The following ALK variants were observed in gnomAD, a reference collection of about 807,000 sequenced individuals.
ALK encodes the protein ALK receptor tyrosine kinase.
A neutral mutation model predicts 163.1 loss-of-function variants in ALK; 74 were observed. The ratio of observed to expected loss-of-function variants is 0.45; its 90% CI spans 0.38 to 0.55. The LOEUF (loss-of-function observed/expected upper bound fraction) is 0.55. Ranked by LOEUF, ALK falls within the 20% of genes least tolerant of loss-of-function variation. ALK has a pLI of 0.00. For missense variants in ALK, 2,063 were observed against 2,105.3 expected, an observed-to-expected ratio of 0.98 and a Z score of 0.39; for synonymous variants, 960 against 843.2, an observed-to-expected ratio of 1.14 and a Z score of -2.40.
chr2:29,802,911 C>G (rs1346352179), intron 1 of ALK, among the ~76,000 whole-genome samples: 1 of 151,854 alleles, frequency 6.6e-6, no homozygotes, highest in African/African-American at 2.4e-5. Context: ...CAACACTGAC[C>G]CCCAAACCAT....
At chr2:29,751,743 C>A (rs975195874) in intron 1 of ALK, among the ~76,000 whole-genome samples, 6 of 152,120 alleles carry the variant, frequency 3.9e-5, no homozygotes, top group Admixed American at 3.3e-4. Context: ...TGTTGCCAGG[C>A]ACAGTAGAAG....
At chr2:29,906,441 G>C (rs1001011834) in intron 1 of ALK, among the ~76,000 whole-genome samples, 4 of 152,118 alleles carry the variant, frequency 2.6e-5, no homozygotes, top group Non-Finnish European at 5.9e-5. Flanking sequence ...GGATAGGAGA[G>C]AAAGAGGAGG....
intron 3 of ALK, among the ~76,000 whole-genome samples, chr2:29,589,158 TA>T (rs1191048233): frequency 6.6e-6 from 1 of 152,208 alleles, no homozygotes; most frequent in African/African-American, 2.4e-5. Flanking sequence ...CTACTGATAA[TA>T]AACTACCAAA....
At chr2:29,533,788 A>G (rs1011624634) in intron 3 of ALK, among the ~76,000 whole-genome samples, 1 of 152,228 alleles carries the variant, frequency 6.6e-6, no homozygotes, top group South Asian at 2.1e-4. Flanking sequence ...GCAGGGGTGC[A>G]CAGATGTCTG....
intron 4 of ALK, among the ~76,000 whole-genome samples, chr2:29,399,040 T>C (rs1193590000): frequency 6.6e-6 from 1 of 152,158 alleles, no homozygotes; most frequent in Non-Finnish European, 1.5e-5. Flanking sequence ...AACCTGCCAA[T>C]GATGTCATCC....
At chr2:29,445,657 C>G (rs1218758335) in intron 4 of ALK, among the ~76,000 whole-genome samples, 1 of 151,958 alleles carries the variant, frequency 6.6e-6, no homozygotes, top group Non-Finnish European at 1.5e-5. Context: ...TCTGTCTCTA[C>G]TAAAAATACA....
At chr2:29,208,067 A>C (rs543276979) in intron 25 of ALK, 1 of 442,986 alleles carries the variant, frequency 2.3e-6, no homozygotes, top group East Asian at 8.3e-5. Context: ...TGAGGACATA[A>C]ATAGGTCAGT....
At chr2:29,903,395 G>A (rs1667465002) in intron 1 of ALK, among the ~76,000 whole-genome samples, 1 of 152,010 alleles carries the variant, frequency 6.6e-6, no homozygotes, top group Admixed American at 6.6e-5. Context: ...TTCCTTCACT[G>A]ATTCAGCAAA....
At chr2:29,534,221 G>A (rs894996547) in intron 3 of ALK, among the ~76,000 whole-genome samples, 2 of 152,174 alleles carry the variant, frequency 1.3e-5, no homozygotes, top group Non-Finnish European at 2.9e-5. Context: ...GATCTGTTAT[G>A]GTGGGGGCAA....
chr2:29,452,344 T>G (rs1016149636), intron 4 of ALK, among the ~76,000 whole-genome samples: 3 of 151,062 alleles, frequency 2.0e-5, no homozygotes, highest in East Asian at 1.9e-4. Context: ...TTTTTTTTTT[T>G]TTTTTTTCTT....
At chr2:29,418,736 G>T (rs1473527730) in intron 4 of ALK, among the ~76,000 whole-genome samples, 2 of 152,158 alleles carry the variant, frequency 1.3e-5, no homozygotes, top group Non-Finnish European at 2.9e-5. Context: ...TTTTCTTATG[G>T]CTGAATAGTA....
At chr2:29,648,334 G>A (rs779351065) in intron 3 of ALK, among the ~76,000 whole-genome samples, 1 of 151,884 alleles carries the variant, frequency 6.6e-6, no homozygotes, top group African/African-American at 2.4e-5. Context: ...TTAAAAAATT[G>A]TGGTGAAATA....
intron 1 of ALK, among the ~76,000 whole-genome samples, chr2:29,766,134 A>G (rs956756313): frequency 3.3e-5 from 5 of 152,248 alleles, no homozygotes; most frequent in Non-Finnish European, 4.4e-5. Flanking sequence ...CAGAATCCAC[A>G]TAAACATTAT....
intron 1 of ALK, among the ~76,000 whole-genome samples, chr2:29,813,161 C>T (rs1456618848): frequency 2.0e-5 from 3 of 152,180 alleles, no homozygotes; most frequent in Non-Finnish European, 2.9e-5. Context: ...CCAGTAAATA[C>T]GGCTGACTCC....
chr2:29,508,697 A>T lies in ALK; in HGVS notation c.1154+23218T>A, dbSNP rs1573413393. ...TGTACCCTAAAACTTAGAGTATAAT[A>T]AAAAAAAAACCCAAAAAAATCCCAT... On this transcript the variant is annotated intron_variant, in intron 4 of 28. Transcript: ENST00000389048. Among the ~76,000 whole-genome samples, 10 of 13,088 alleles carry T rather than the reference A, an allele frequency of 7.6e-4. No homozygotes were observed. The South Asian group carries it at 0.049, about 65-fold the overall frequency. 8.6% of individuals were successfully genotyped at this position (13,088 alleles called of 152,430 possible).
intron 3 of ALK, among the ~76,000 whole-genome samples, chr2:29,665,599 G>A (rs1447295004): frequency 6.6e-6 from 1 of 151,942 alleles, no homozygotes. Flanking sequence ...CAGGTGTTGA[G>A]GTTGAAAGGG....
intron 11 of ALK, among the ~76,000 whole-genome samples, chr2:29,265,870 C>A (rs1665208926): frequency 1.3e-5 from 2 of 152,126 alleles, no homozygotes; most frequent in Admixed American, 1.3e-4. Flanking sequence ...TGCCTGTAAT[C>A]CCAGCTACTT....
At chr2:29,339,225 A>T (rs1667716918) in intron 5 of ALK, among the ~76,000 whole-genome samples, 1 of 149,026 alleles carries the variant, frequency 6.7e-6, no homozygotes, top group Non-Finnish European at 1.5e-5. Context: ...CCTGGGTGAC[A>T]GGGCGAGACT....
Position 29,246,887 on chromosome 2 carries a change from C to A in ALK, c.2204+4218G>T, listed in dbSNP as rs1252181379. ...TGCTTTCACCAGGGGGAGCGAGAGG[C>A]CTTTTGGGGGGTAACACTGCAGCCC... is the stretch of plus-strand genomic sequence containing the variant. On this transcript the variant is annotated intron_variant, in intron 12 of 28. Transcript: ENST00000389048. This position sits in a 1 kb window ranked among gnomAD's most constrained non-coding sequence, Gnocchi z 4.3. 6.6e-6 allele frequency among the ~76,000 whole-genome samples: 1 copy of A among 152,204 alleles called. No homozygotes were observed. Among genetic ancestry groups the A allele is most frequent in the African/African-American group, 2.4e-5 (1 of 41,450 alleles).
Sources: allele counts gnomAD v4.1 joint callset (sites outside exome capture counted in the v4.1 genomes callset), GRCh38; gene constraint gnomAD v4.1.1; non-coding constraint Gnocchi (gnomAD v3.1); transcripts MANE v1.5; gene names NCBI Gene and HGNC (gene_info 2026-07-23, HGNC 2026-07-21).